The following CEMIP variants were observed in gnomAD, a reference collection of about 807,000 sequenced individuals.
CEMIP encodes cell migration-inducing and hyaluronan-binding protein.
Under a neutral mutation model 156.9 loss-of-function variants are expected in CEMIP, and 105 were observed. The ratio of observed to expected loss-of-function variants is 0.67; its 90% CI spans 0.57 to 0.79. The LOEUF is 0.79. Ranked by LOEUF, CEMIP falls within the 30% of genes least tolerant of loss-of-function variation. CEMIP has a pLI of 0.00. For synonymous variants in CEMIP, 676 were observed against 668.4 expected (o/e 1.01, Z -0.17); for missense variants, 1,457 against 1,769.4 (o/e 0.82, Z 3.17).
chr15:80,877,048 G>A (rs1264008120), intron 3 of CEMIP, among the ~76,000 whole-genome samples: 4 of 152,176 alleles, frequency 2.6e-5, no homozygotes, highest in Non-Finnish European at 5.9e-5. Context: ...AAGAGGAAAT[G>A]AGAACGAAGT....
chr15:80,938,000 C>A (rs1396641375), intron 25 of CEMIP, 21 bp downstream of exon 25: 2 of 1,606,576 alleles, frequency 1.2e-6, no homozygotes, highest in Non-Finnish European at 1.7e-6. Flanking sequence ...GCCCACTTGG[C>A]TGCAGGAAAG....
At chr15:80,825,129 T>C (rs1897001329) in intron 1 of CEMIP, among the ~76,000 whole-genome samples, 2 of 152,206 alleles carry the variant, frequency 1.3e-5, no homozygotes, top group South Asian at 4.1e-4. Context: ...TGGGCTGTCA[T>C]AACAAACTTG....
At chr15:80,892,537 A>G (rs931691020) in intron 10 of CEMIP, among the ~76,000 whole-genome samples, 4 of 152,140 alleles carry the variant, frequency 2.6e-5, no homozygotes, top group African/African-American at 9.7e-5. Flanking sequence ...TCCCCACAGC[A>G]GCTGGTGCAG....
At position 80,887,697 on chromosome 15, in the gene CEMIP, C is replaced by A. The variant is rs1425225392; in HGVS notation, c.801C>A (p.His267Gln). The A allele has an allele frequency of 6.2e-7, 1 of 1,611,356 alleles. No individual in the cohort carries two copies. Among genetic ancestry groups the A allele is most frequent in the Non-Finnish European group, 8.5e-7 (1 of 1,179,118 alleles). The change falls in exon 8 of 30, where the codon CAC (histidine) becomes CAA (glutamine). Residue 267 changes from histidine (H) to glutamine (Q), a missense_variant. By Grantham distance (24) the His-to-Gln change is conservative. Transcript: ENST00000394685. ...SKHFLHLGFR[H>Q]PWSFLTVKGN... is the part of the protein sequence containing the mutation. ...GTTATGTTTTTCTTTTTTTCAGACA[C>A]CCTTGGAGTTTTCTAACTGTGAAAG...
chr15:80,864,969 C>A (rs146391527), intron 1 of CEMIP, among the ~76,000 whole-genome samples: 1 of 152,032 alleles, frequency 6.6e-6, no homozygotes, highest in African/African-American at 2.4e-5. Context: ...GGAATACCAC[C>A]GTGAGAACTG....
chr15:80,802,574 C>T (rs1044683056), intron 1 of CEMIP, among the ~76,000 whole-genome samples: 3 of 152,208 alleles, frequency 2.0e-5, no homozygotes, highest in Admixed American at 6.5e-5. Flanking sequence ...GACCATGGGG[C>T]GTGGGCTGGC....
chr15:80,945,928 G>T (rs1475527414), intron 28 of CEMIP, among the ~76,000 whole-genome samples: 2 of 152,200 alleles, frequency 1.3e-5, no homozygotes, highest in East Asian at 3.8e-4. Flanking sequence ...TCGAACTTTT[G>T]CAATTTGGGA....
intron 17 of CEMIP, among the ~76,000 whole-genome samples, chr15:80,923,631 G>C (rs1030108586): frequency 2.0e-5 from 3 of 152,148 alleles, no homozygotes; most frequent in Non-Finnish European, 4.4e-5. Context: ...GAGTGAAGAA[G>C]AACCTCCAGC....
At chr15:80,867,729 G>GT (rs1286515047) in intron 1 of CEMIP, among the ~76,000 whole-genome samples, 1 of 152,228 alleles carries the variant, frequency 6.6e-6, no homozygotes, top group African/African-American at 2.4e-5. Flanking sequence ...ATCCAGAGGG[G>GT]TGCTTGGATT....
intron 1 of CEMIP, among the ~76,000 whole-genome samples, chr15:80,837,432 G>A (rs916059917): frequency 3.3e-5 from 5 of 152,144 alleles, no homozygotes; most frequent in African/African-American, 1.2e-4. Flanking sequence ...ATTCTTTATG[G>A]CAACCTGGTA....
intron 1 of CEMIP, among the ~76,000 whole-genome samples, chr15:80,860,084 G>C (rs1428429450): frequency 2.6e-5 from 4 of 152,150 alleles, no homozygotes; most frequent in Non-Finnish European, 4.4e-5. Flanking sequence ...TTCCAGCTCA[G>C]GTTGTTGGCT....
rs566252292 is a variant in CEMIP, at chr15:80,922,226, C to T, written c.2202+89C>T. The T allele has an allele frequency of 9.2e-5, 142 of 1,542,880 alleles. 1 individual carries two copies. Among genetic ancestry groups the T allele is most frequent in the African/African-American group, 6.7e-4 (49 of 73,560 alleles). Reference sequence around the variant, plus strand: ...GATTAGAGCCGGGACAGCCAGTTGGCGACAGCTGGGAACAACTGCATTCTT... The same window carrying T: ...GATTAGAGCCGGGACAGCCAGTTGGTGACAGCTGGGAACAACTGCATTCTT... On this transcript the variant is annotated intron_variant, in intron 17 of 29. Coordinates refer to ENST00000394685, the MANE Select transcript of CEMIP (RefSeq NM_001293298.2).
chr15:80,795,752 A>G (rs981054616), intron 1 of CEMIP, among the ~76,000 whole-genome samples: 2 of 151,992 alleles, frequency 1.3e-5, no homozygotes, highest in African/African-American at 2.4e-5. Context: ...TGGGCAACAC[A>G]GCAAGACCCC....
intron 1 of CEMIP, among the ~76,000 whole-genome samples, chr15:80,865,373 A>C (rs1191502804): frequency 6.6e-6 from 1 of 151,890 alleles, no homozygotes; most frequent in Non-Finnish European, 1.5e-5. Flanking sequence ...GTAGAGACGG[A>C]GTTTCACCAT....
At chr15:80,846,457 G>A (rs902195781) in intron 1 of CEMIP, among the ~76,000 whole-genome samples, 3 of 152,204 alleles carry the variant, frequency 2.0e-5, no homozygotes, top group African/African-American at 4.8e-5. Context: ...ACTAATCATC[G>A]TTGTAGGTCA....
chr15:80,943,204 G>C (rs1327873293), intron 28 of CEMIP, 102 bp downstream of exon 28: 5 of 1,308,410 alleles, frequency 3.8e-6, no homozygotes, highest in Non-Finnish European at 5.5e-6. Flanking sequence ...GATCAGTCTG[G>C]AAAAGCTCAG....
At chr15:80,832,322 C>CTGTTTGTGTGTGTGTGTG (rs1897173450) in intron 1 of CEMIP, among the ~76,000 whole-genome samples, 1 of 127,996 alleles carries the variant, frequency 7.8e-6, no homozygotes, top group Admixed American at 7.9e-5. Context: ...AAAATAAACT[C>CTGTTTGTGTGTGTGTGTG]TGTGTGTGTG....
chr15:80,811,331 G>A (rs903352723), intron 1 of CEMIP, among the ~76,000 whole-genome samples: 6 of 152,176 alleles, frequency 3.9e-5, no homozygotes, highest in African/African-American at 1.4e-4. Context: ...GATTGCAAGT[G>A]TTCTCAATCT....
intron 1 of CEMIP, among the ~76,000 whole-genome samples, chr15:80,871,501 G>A (rs757258137): frequency 2.1e-4 from 32 of 152,124 alleles, no homozygotes; most frequent in Non-Finnish European, 3.7e-4. Context: ...CTCCCCACTC[G>A]GTACCTGGGA....
Sources: gnomAD v4.1 joint callset for allele counts (sites outside exome capture counted in the v4.1 genomes callset) on GRCh38, gnomAD v4.1.1 for gene constraint, MANE v1.5 for transcripts, NCBI Gene and HGNC (gene_info 2026-07-23, HGNC 2026-07-21) for gene names.